The following FBXO38 variants were observed in gnomAD, a reference collection of about 807,000 sequenced individuals.
FBXO38 encodes the protein F-box protein 38.
In FBXO38, 53 loss-of-function variants were observed where a neutral mutation model predicts 131.9. The observed-to-expected ratio is 0.40, with a 90% CI of 0.32 to 0.51. The LOEUF (loss-of-function observed/expected upper bound fraction) is 0.51, where lower values mean the gene tolerates loss of function less well. FBXO38 is among the 20% of genes least tolerant of loss of function. FBXO38 has a pLI of 0.53. For synonymous variants in FBXO38, 452 were observed against 505.6 expected, an observed-to-expected ratio of 0.89 and a Z score of 1.42; for missense variants, 1,076 against 1,475.6, an observed-to-expected ratio of 0.73 and a Z score of 4.44.
In FBXO38 at chr5:148,424,088, T is replaced by C. The variant is rs1367887797; in HGVS notation, c.1709T>C (p.Ile570Thr). Residue 570 changes from isoleucine to threonine, a missense_variant, in exon 13 of 22, where the codon ATT (isoleucine) becomes ACT (threonine). By Grantham distance (89) the Ile-to-Thr change is moderately conservative (BLOSUM62 -1). Coordinates refer to ENST00000340253, the MANE Select transcript of FBXO38 (RefSeq NM_205836.3). ...ACTCCAGCTCACAGCCAGGCAATTA[T>C]TCCTGTGGATGTTGATGAGGAACAA... Reference protein sequence around the residue: ...NNTPAHSQAIIPVDVDEEQAG... With the variant: ...NNTPAHSQAITPVDVDEEQAG... 5.0e-6 allele frequency: 8 copies of C among 1,613,562 alleles called. No individual in the cohort carries two copies. Among genetic ancestry groups the C allele is most frequent in the Non-Finnish European group, 6.8e-6 (8 of 1,179,720 alleles).
chr5:148,388,180 T>A (rs1758016194), intron 1 of FBXO38, among the ~76,000 whole-genome samples: 1 of 152,232 alleles, frequency 6.6e-6, no homozygotes, highest in Non-Finnish European at 1.5e-5. Flanking sequence ...GAAACTTTTC[T>A]GAGCAGTAGA....
intron 12 of FBXO38, among the ~76,000 whole-genome samples, chr5:148,420,798 G>A (rs1355988431): frequency 1.3e-5 from 2 of 151,794 alleles, no homozygotes; most frequent in South Asian, 2.1e-4. Context: ...CCAGTTATTC[G>A]GCTGTGTGAG....
At chr5:148,427,183 C>T (rs767966574) in intron 14 of FBXO38, 30 bp from the exon 15 acceptor site, 1 of 1,542,804 alleles carries the variant, frequency 6.5e-7, no homozygotes, top group Non-Finnish European at 8.7e-7. Flanking sequence ...TTTTCTTTTC[C>T]TCGGGCCGTT....
At chr5:148,416,866 A>G in intron 11 of FBXO38, 128 bp from the exon 12 acceptor site, 1 of 639,986 alleles carries the variant, frequency 1.6e-6, no homozygotes, top group Non-Finnish European at 2.8e-6. Context: ...GTGTATGTGA[A>G]AGCATTTCAT....
At chr5:148,394,533 T>C (rs917012062) in intron 1 of FBXO38, among the ~76,000 whole-genome samples, 181 bp from the exon 2 acceptor site, 1 of 152,162 alleles carries the variant, frequency 6.6e-6, no homozygotes, top group Non-Finnish European at 1.5e-5. Context: ...TATCCACTCA[T>C]CTTGAGAAAA....
At chr5:148,398,425 T>C (rs1264524059) in intron 2 of FBXO38, among the ~76,000 whole-genome samples, 2 of 149,474 alleles carry the variant, frequency 1.3e-5, no homozygotes, top group African/African-American at 5.0e-5. Flanking sequence ...TATCAGTGTA[T>C]GTGACCTTAA....
intron 17 of FBXO38, 111 bp downstream of exon 17, chr5:148,433,848 G>C: frequency 1.7e-6 from 1 of 585,180 alleles, no homozygotes; most frequent in Non-Finnish European, 3.0e-6. Context: ...AGGAAATATT[G>C]TGTTGGGTTA....
In FBXO38 at chr5:148,393,907, A is replaced by G. The variant is rs557121330; in HGVS notation, c.-63-807A>G. Among the ~76,000 whole-genome samples, 7 of 152,244 alleles carry G rather than the reference A, an allele frequency of 4.6e-5. 1 individual carries two copies. The highest frequency in any genetic ancestry group is 1.3e-4 in the Admixed American group (2 of 15,286). The stretch of plus-strand genomic sequence containing the variant: ...GTTAACTCCACATGCTGATCAATAG[A>G]ACAGAAAACCATCTGGGTGCTCATG... On this transcript the variant is annotated intron_variant, in intron 1 of 21. Coordinates refer to ENST00000340253, the MANE Select transcript of FBXO38 (RefSeq NM_205836.3).
In FBXO38 at chr5:148,402,085, C is replaced by T; in HGVS notation, c.366C>T (p.Gly122=). 6.2e-7 allele frequency: 1 copy of T among 1,613,652 alleles called. No homozygotes were observed. Among genetic ancestry groups the T allele is most frequent in the East Asian group, 2.2e-5 (1 of 44,858 alleles). Residue 122 remains glycine (G), a synonymous_variant, in exon 4 of 22, where the codon GGC becomes GGT. Transcript: ENST00000340253. ...PRYLERRRVR[G]HEAFSIPGVL... is the part of the protein sequence containing the mutation. ...ACCTTGAGAGGCGAAGAGTAAGGGG[C>T]CATGAGGCTTTTAGCATTCCAGGAG...
intron 15 of FBXO38, among the ~76,000 whole-genome samples, chr5:148,429,596 A>G (rs1753916969): frequency 6.6e-6 from 1 of 152,190 alleles, no homozygotes; most frequent in African/African-American, 2.4e-5. Context: ...CCAAAAACTA[A>G]GCTTGGTTTT....
In FBXO38 at chr5:148,410,660, T is replaced by A. The variant is rs764932115; in HGVS notation, c.988T>A (p.Ser330Thr). The change falls in exon 9 of 22, where the codon TCC becomes ACC. Residue 330 changes from serine (S) to threonine (T), a missense_variant. By Grantham distance (58) the Ser-to-Thr change is moderately conservative. Transcript: ENST00000340253. Reference protein sequence around the residue: ...RRLHEVRIQPSLTKDGVFSAL... With the variant: ...RRLHEVRIQPTLTKDGVFSAL... ...GTTACATGAAGTTCGGATCCAGCCT[T>A]CCCTAACCAAAGATGGTGTCTTTTC... 1.9e-6 allele frequency: 3 copies of A among 1,613,970 alleles called. No individual in the cohort carries two copies. The highest frequency in any genetic ancestry group is 2.5e-6 in the Non-Finnish European group (3 of 1,179,992).
intron 2 of FBXO38, among the ~76,000 whole-genome samples, chr5:148,397,161 C>T (rs1475437336): frequency 1.3e-5 from 2 of 152,118 alleles, no homozygotes; most frequent in East Asian, 3.9e-4. Flanking sequence ...GGTGTAGTAA[C>T]TACATAGCAT....
chr5:148,405,204 A>G (rs1752377361), intron 6 of FBXO38, among the ~76,000 whole-genome samples: 1 of 152,182 alleles, frequency 6.6e-6, no homozygotes, highest in African/African-American at 2.4e-5. Flanking sequence ...TTCTAAACAG[A>G]AATCTTTAGT....
At chr5:148,419,050 A>C (rs1472065947) in intron 12 of FBXO38, among the ~76,000 whole-genome samples, 2 of 152,246 alleles carry the variant, frequency 1.3e-5, no homozygotes, top group African/African-American at 4.8e-5. Flanking sequence ...TTACTATGGA[A>C]GGATTCAGCT....
intron 13 of FBXO38, 138 bp downstream of exon 13, chr5:148,424,255 G>T: frequency 1.2e-6 from 1 of 831,520 alleles, no homozygotes; most frequent in Non-Finnish European, 1.8e-6. Flanking sequence ...ACTGAGAACT[G>T]TAATACATTG....
At chr5:148,408,760 C>T (rs900846016) in intron 7 of FBXO38, among the ~76,000 whole-genome samples, 7 of 152,092 alleles carry the variant, frequency 4.6e-5, no homozygotes, top group African/African-American at 1.4e-4. Flanking sequence ...TAAAGTGGTT[C>T]TGGTCTTGTT....
intron 7 of FBXO38, among the ~76,000 whole-genome samples, chr5:148,407,807 C>T (rs1483307632): frequency 6.6e-6 from 1 of 152,010 alleles, no homozygotes; most frequent in Non-Finnish European, 1.5e-5. Flanking sequence ...CACCTGTAGT[C>T]CCAGCTACTC....
intron 14 of FBXO38, 30 bp downstream of exon 14, chr5:148,425,731 A>C (rs1753680012): frequency 6.3e-7 from 1 of 1,591,418 alleles, no homozygotes; most frequent in Admixed American, 1.7e-5. Context: ...TGAACTATTA[A>C]TGAGAGTCAC....
Position 148,399,930 on chromosome 5 carries a change from T to TA in FBXO38, c.262+808dup, listed in dbSNP as rs879387243. Among the ~76,000 whole-genome samples, 743 of 144,034 alleles carry TA rather than the reference T, an allele frequency of 5.2e-3. 5 individuals are homozygous for TA. The highest frequency in any genetic ancestry group is 9.7e-3 in the South Asian group (44 of 4,538). The allele number at this position is 144,034 out of a possible 152,430, so 94.5% of individuals were successfully genotyped here. ...TGAGAGGGGAACCAAAAAATAAAAA[T>TA]AAAAAAAAAAGCCTTAATAGAAGTG... On this transcript the variant is annotated intron_variant, in intron 3 of 21. Coordinates refer to ENST00000340253, the MANE Select transcript of FBXO38 (RefSeq NM_205836.3).
Sources: allele counts gnomAD v4.1 joint callset (sites outside exome capture counted in the v4.1 genomes callset), GRCh38; gene constraint gnomAD v4.1.1; transcripts MANE v1.5; gene names NCBI Gene and HGNC (gene_info 2026-07-23, HGNC 2026-07-21).